The following DENND4A variants were observed in gnomAD, a reference collection of about 807,000 sequenced individuals.
DENND4A encodes the protein DENN domain containing 4A, also known as C-myc promoter-binding protein.
A neutral mutation model predicts 199.3 loss-of-function variants in DENND4A; 70 were observed. The observed-to-expected ratio is 0.35, with a 90% CI of 0.29 to 0.43. The LOEUF is 0.43. DENND4A is among the 20% of genes least tolerant of loss of function. DENND4A has a pLI of 1.00. For missense variants in DENND4A, 1,723 were observed against 2,255.8 expected (o/e 0.76, Z 4.78); for synonymous variants, 686 against 766.9 (o/e 0.89, Z 1.74).
chr15:65,669,944 G>A lies in DENND4A; in HGVS notation c.4641-19C>T. The A allele has an allele frequency of 6.2e-7, 1 of 1,610,738 alleles. No individual in the cohort carries two copies. Among genetic ancestry groups the A allele is most frequent in the Non-Finnish European group, 8.5e-7 (1 of 1,177,638 alleles). Reference sequence around the variant, plus strand: ...AAAGTATCTGTAATGTGAATCGAAGGAACTTTTTGAGAAAAGAGATATTAT... The same window carrying A: ...AAAGTATCTGTAATGTGAATCGAAGAAACTTTTTGAGAAAAGAGATATTAT... On this transcript the variant is annotated intron_variant, in intron 26 of 32. Transcript: ENST00000443035.
At chr15:65,724,030 A>T (rs1424085073) in intron 11 of DENND4A, among the ~76,000 whole-genome samples, 1 of 152,132 alleles carries the variant, frequency 6.6e-6, no homozygotes, top group African/African-American at 2.4e-5. Flanking sequence ...AAGCATTTGG[A>T]CTTAAAGATA....
intron 23 of DENND4A, among the ~76,000 whole-genome samples, chr15:65,689,733 T>C (rs1048286875): frequency 6.6e-6 from 1 of 152,222 alleles, no homozygotes; most frequent in Non-Finnish European, 1.5e-5. Flanking sequence ...GGAAAATGTC[T>C]TGAAGGAAGA....
intron 1 of DENND4A, among the ~76,000 whole-genome samples, chr15:65,784,209 C>T (rs560843225): frequency 7.0e-4 from 107 of 152,156 alleles, no homozygotes; most frequent in African/African-American, 2.5e-3. Flanking sequence ...CCATCAAAGT[C>T]ATCAAAAACA....
In DENND4A at chr15:65,764,233, C is replaced by T. The variant is rs555990856; in HGVS notation, c.-101-2795G>A. ...TAAAAACAGGCCAGGTGTGATGGGTCATATCTATAATCCTAACACTTTGGG... is the reference window on the plus strand; with the variant it reads ...TAAAAACAGGCCAGGTGTGATGGGTTATATCTATAATCCTAACACTTTGGG... On this transcript the variant is annotated intron_variant, in intron 1 of 32. Transcript: ENST00000443035. Among the ~76,000 whole-genome samples, 245 of 152,230 alleles carry T rather than the reference C, an allele frequency of 1.6e-3. 1 individual carries two copies. The highest frequency in any genetic ancestry group is 5.8e-3 in the African/African-American group (242 of 41,536).
intron 20 of DENND4A, among the ~76,000 whole-genome samples, chr15:65,698,726 CTTTTTTTTTT>C (rs71139423): frequency 2.7e-5 from 2 of 72,746 alleles, no homozygotes; most frequent in African/African-American, 5.8e-5. Context: ...TTAAGATAGC[CTTTTTTTTTT>C]TTTTTTTTTT....
intron 2 of DENND4A, among the ~76,000 whole-genome samples, chr15:65,756,810 T>C (rs984895198): frequency 6.6e-6 from 1 of 152,002 alleles, no homozygotes; most frequent in Non-Finnish European, 1.5e-5. Context: ...CCAAGGCAGG[T>C]GGATCACCTG....
intron 1 of DENND4A, among the ~76,000 whole-genome samples, chr15:65,764,928 C>T (rs936332934): frequency 3.4e-5 from 5 of 145,800 alleles, no homozygotes; most frequent in African/African-American, 5.2e-5. Context: ...GCTATGATGG[C>T]ACCACTGCAC....
At chr15:65,708,917 T>G (rs2075147783) in intron 14 of DENND4A, among the ~76,000 whole-genome samples, 1 of 152,228 alleles carries the variant, frequency 6.6e-6, no homozygotes, top group African/African-American at 2.4e-5. Flanking sequence ...TCTCATATAT[T>G]GTTTTTCTTA....
intron 4 of DENND4A, among the ~76,000 whole-genome samples, chr15:65,742,531 T>C (rs2076287134): frequency 1.3e-5 from 2 of 151,872 alleles, no homozygotes; most frequent in African/African-American, 2.4e-5. Context: ...GTTCAAGTGA[T>C]TCTCCTGCCT....
chr15:65,767,592 A>G (rs999012694), intron 1 of DENND4A, among the ~76,000 whole-genome samples: 2 of 152,156 alleles, frequency 1.3e-5, no homozygotes, highest in African/African-American at 4.8e-5. Flanking sequence ...ACAGGCATGA[A>G]CCACCTGTAA....
At chr15:65,784,972 A>G (rs955482479) in intron 1 of DENND4A, among the ~76,000 whole-genome samples, 3 of 152,004 alleles carry the variant, frequency 2.0e-5, no homozygotes, top group Non-Finnish European at 2.9e-5. Context: ...AGATGGTGAA[A>G]CCCCACCTCT....
chr15:65,729,820 C>T (rs1003053718), intron 9 of DENND4A, 142 bp from the exon 10 acceptor site: 53 of 727,930 alleles, frequency 7.3e-5, no homozygotes, highest in Non-Finnish European at 1.1e-4. Flanking sequence ...TATATATTCA[C>T]CGTTAAACAT....
At chr15:65,676,685 T>C (rs779561871) in intron 23 of DENND4A, 51 bp from the exon 24 acceptor site, 28 of 1,442,212 alleles carry the variant, frequency 1.9e-5, no homozygotes, top group Non-Finnish European at 2.4e-5. Flanking sequence ...AGGTAATTAA[T>C]TAAAAAGTCA....
Position 65,738,761 on chromosome 15 carries a change from T to C in DENND4A, c.746A>G (p.Lys249Arg), listed in dbSNP as rs1338806202. 1.2e-6 allele frequency: 2 copies of C among 1,613,064 alleles called. No individual in the cohort carries two copies. The highest frequency in any genetic ancestry group is 3.3e-5 in the Admixed American group (2 of 59,944). The change falls in exon 6 of 33, where the codon AAA becomes AGA. Residue 249 changes from lysine to arginine, a missense_variant. Coordinates refer to ENST00000443035, the MANE Select transcript of DENND4A (RefSeq NM_001320835.1). ...AGTAGAAAATACAGGCAGAGGGTAT[T>C]TGCTATTTGATGGCCAACATTCAAT... Reference protein sequence around the residue: ...ATIECWPSNSKYPLPVFSTFV... With the variant: ...ATIECWPSNSRYPLPVFSTFV...
chr15:65,681,808 T>G (rs1388350528), intron 23 of DENND4A, among the ~76,000 whole-genome samples: 1 of 152,212 alleles, frequency 6.6e-6, no homozygotes, highest in Non-Finnish European at 1.5e-5. Context: ...GCTCAAGGGA[T>G]CCGCCTGCCT....
intron 1 of DENND4A, among the ~76,000 whole-genome samples, chr15:65,774,207 T>A (rs1379220527): frequency 2.0e-5 from 3 of 152,032 alleles, no homozygotes; most frequent in African/African-American, 2.4e-5. Flanking sequence ...AATAAAAAAA[T>A]TGGCCAGGCA....
rs1555422997 is a variant in DENND4A, at chr15:65,709,719, A to AATATAT, written c.1954-3501_1954-3496dup. Among the ~76,000 whole-genome samples, 93 of 51,468 alleles carry AATATAT rather than the reference A, an allele frequency of 1.8e-3. 1 individual carries two copies. Among genetic ancestry groups the AATATAT allele is most frequent in the Middle Eastern group, 0.013 (1 of 78 alleles). 33.8% of individuals were successfully genotyped at this position (51,468 alleles called of 152,430 possible). ...TCAAAAAAAAAAAAAAAAAAAAAAAAATATATATATATATATATATATAAT... is the reference window on the plus strand; with the variant it reads ...TCAAAAAAAAAAAAAAAAAAAAAAAAATATATATATATATATATATATATATATAAT... On this transcript the variant is annotated intron_variant, in intron 14 of 32. Transcript: ENST00000443035.
chr15:65,751,253 A>G (rs976414239), intron 4 of DENND4A, among the ~76,000 whole-genome samples: 1 of 152,246 alleles, frequency 6.6e-6, no homozygotes, highest in African/African-American at 2.4e-5. Flanking sequence ...CAGAGTTTAC[A>G]GAAGAACTGA....
intron 11 of DENND4A, among the ~76,000 whole-genome samples, chr15:65,724,532 T>G (rs2140335128): frequency 6.6e-6 from 1 of 152,270 alleles, no homozygotes; most frequent in South Asian, 2.1e-4. Context: ...CTGAACCTTT[T>G]TATATTCCCT....
Sources: gnomAD v4.1 joint callset for allele counts (sites outside exome capture counted in the v4.1 genomes callset) on GRCh38, gnomAD v4.1.1 for gene constraint, MANE v1.5 for transcripts, NCBI Gene and HGNC (gene_info 2026-07-23, HGNC 2026-07-21) for gene names.